ZNF616: variants seen among roughly 807,000 people sequenced by gnomAD.
ZNF616 encodes the protein zinc finger protein 616.
Under a neutral mutation model 7.6 loss-of-function variants are expected in ZNF616, and 5 were observed. The observed-to-expected ratio is 0.66, with a 90% CI of 0.34 to 1.38. The LOEUF (loss-of-function observed/expected upper bound fraction) is 1.38. Among genes scored for constraint, ZNF616 ranks in the 40% most tolerant of loss-of-function variants. The pLI is 0.04. For missense variants in ZNF616, 913 were observed against 948.3 expected (o/e 0.96, Z 0.49); for synonymous variants, 319 against 317.2 (o/e 1.01, Z -0.06).
intron 1 of ZNF616, among the ~76,000 whole-genome samples, chr19:52,134,251 C>CT (rs1358280402): frequency 6.6e-6 from 1 of 152,190 alleles, no homozygotes; most frequent in African/African-American, 2.4e-5. Flanking sequence ...AATTTCCCTC[C>CT]TTATCACGAC....
chr19:52,123,342 G>A (rs2088879174), intron 3 of ZNF616, among the ~76,000 whole-genome samples: 2 of 152,150 alleles, frequency 1.3e-5, no homozygotes, highest in African/African-American at 4.8e-5. Context: ...GGAGGCTGAG[G>A]CGGGTGGATC....
intron 1 of ZNF616, among the ~76,000 whole-genome samples, chr19:52,137,074 T>TATATATATATATAC (rs1491194803): frequency 1.4e-5 from 2 of 142,844 alleles, no homozygotes; most frequent in African/African-American, 5.2e-5. Context: ...TATATATATA[T>TATATATATATATAC]ACAGAGTGTG....
At position 52,113,806 on chromosome 19, in the gene ZNF616, G is replaced by A. The variant is rs2088791218; in HGVS notation, c.*1012C>T. 1 of 152,030 alleles carries A rather than the reference G, an allele frequency of 6.6e-6. No homozygotes were observed. Among genetic ancestry groups the A allele is most frequent in the Admixed American group, 6.5e-5 (1 of 15,270 alleles). 9.4% of individuals were successfully genotyped at this position (152,030 alleles called of 1,614,324 possible). Reference sequence around the variant, plus strand: ...TGGACATGATCTCATTCCTTTCTATGGCTGCATAGTATCCCATGGTGTATA... The same window carrying A: ...TGGACATGATCTCATTCCTTTCTATAGCTGCATAGTATCCCATGGTGTATA... On this transcript the variant is annotated 3_prime_UTR_variant, in exon 4 of 4. Transcript: ENST00000600228.
Position 52,132,361 on chromosome 19 carries a change from AGT to A in ZNF616, c.-76-1775_-76-1774del, listed in dbSNP as rs2088967453. Among the ~76,000 whole-genome samples, 6 of 152,188 alleles carry A rather than the reference AGT, an allele frequency of 3.9e-5. No individual in the cohort carries two copies. The South Asian group carries it at 1.2e-3, about 32-fold the overall frequency. On this transcript the variant is annotated intron_variant, in intron 1 of 3. Transcript: ENST00000600228. ...GAGACAACAGGACACAGAATTCTAG[AGT>A]TCAGGGGACAGGCCTGCAGGGGACA...
intron 1 of ZNF616, among the ~76,000 whole-genome samples, chr19:52,136,873 G>C (rs2089013517): frequency 6.6e-6 from 1 of 151,706 alleles, no homozygotes; most frequent in Non-Finnish European, 1.5e-5. Flanking sequence ...GACCAGCTTG[G>C]ACAAAACAGC....
chr19:52,116,345 T>C lies in ZNF616; in HGVS notation c.819A>G (p.Glu273=). 3 of 1,614,168 alleles carry C rather than the reference T, an allele frequency of 1.9e-6. No homozygotes were observed. The highest frequency in any genetic ancestry group is 8.5e-7 in the Non-Finnish European group (1 of 1,180,010). ...AACTTTTACTAAAGGACTTGCCACA[T>C]TCATTACATATGTAGGGTTTCTGTC... is the stretch of plus-strand genomic sequence containing the variant. ...HTGQKPYICN[E]CGKSFSKSSH... is the part of the protein sequence containing the mutation. The change falls in exon 4 of 4, where the codon GAA becomes GAG. Residue 273 remains glutamate, a synonymous_variant. Transcript: ENST00000600228.
At chr19:52,120,363 A>T (rs1053548726) in intron 3 of ZNF616, among the ~76,000 whole-genome samples, 1 of 152,252 alleles carries the variant, frequency 6.6e-6, no homozygotes, top group Non-Finnish European at 1.5e-5. Flanking sequence ...AGACAAAAGA[A>T]TCAACTAAAT....
intron 3 of ZNF616, 117 bp from the exon 4 acceptor site, chr19:52,117,141 G>C: frequency 1.3e-6 from 1 of 794,294 alleles, no homozygotes; most frequent in South Asian, 2.7e-5. Flanking sequence ...AGGTGTGAGA[G>C]TTCTCCACCA....
Position 52,114,982 on chromosome 19 carries a change from G to A in ZNF616, c.2182C>T (p.Arg728Trp), listed in dbSNP as rs770382120. The A allele has an allele frequency of 5.0e-6, 8 of 1,614,122 alleles. No homozygotes were observed. Among genetic ancestry groups the A allele is most frequent in the South Asian group, 3.3e-5 (3 of 91,090 alleles). The change falls in exon 4 of 4, where the codon CGG becomes TGG. Residue 728 changes from arginine (R) to tryptophan (W), a missense_variant. By Grantham distance (101) the Arg-to-Trp change is moderately radical. Transcript: ENST00000600228. ...KCIECGKAFG[R>W]LFSLSKHQRI... The stretch of plus-strand genomic sequence containing the variant: ...TGGTGTTTGCTGAGGGAAAACAACC[G>A]CCCAAAGGCTTTGCCACATTCAATA...
At chr19:52,125,913 T>C (rs56035736) in intron 2 of ZNF616, among the ~76,000 whole-genome samples, 9,923 of 152,164 alleles carry the variant, frequency 0.065, 440 homozygotes, top group African/African-American at 0.13. Flanking sequence ...TACCAGAGTC[T>C]ATCCACAATA....
At chr19:52,133,400 A>T (rs1464869832) in intron 1 of ZNF616, among the ~76,000 whole-genome samples, 2 of 151,848 alleles carry the variant, frequency 1.3e-5, no homozygotes, top group East Asian at 1.9e-4. Context: ...TAATAGGCCA[A>T]TTTTTTTTCT....
rs1286983174 is a variant in ZNF616 at position 52,115,011 on chromosome 19, T to G, written c.2153A>C (p.Lys718Thr). ...AAAGGCTTTGCCACATTCAATACAT[T>G]TGTATCTTTTCTCTCCAGTGTGGAT... is the stretch of plus-strand genomic sequence containing the variant. ...QRIHTGEKRY[K>T]CIECGKAFGR... The change falls in exon 4 of 4, where the codon AAA becomes ACA. Residue 718 changes from lysine to threonine, a missense_variant. Transcript: ENST00000600228. 6.2e-7 allele frequency: 1 copy of G among 1,614,206 alleles called. No homozygotes were observed. The highest frequency in any genetic ancestry group is 1.3e-5 in the African/African-American group (1 of 75,052).
intron 2 of ZNF616, among the ~76,000 whole-genome samples, chr19:52,127,738 T>C (rs1288898856): frequency 6.6e-6 from 1 of 152,178 alleles, no homozygotes; most frequent in Non-Finnish European, 1.5e-5. Context: ...GAGAGCATTG[T>C]GGCAGCCATG....
Position 52,115,423 on chromosome 19 carries a change from C to A in ZNF616, c.1741G>T (p.Glu581Ter), listed in dbSNP as rs757707236. 16 of 1,614,060 alleles carry A rather than the reference C, an allele frequency of 9.9e-6. No homozygotes were observed. Among genetic ancestry groups the A allele is most frequent in the Middle Eastern group, 1.6e-4 (1 of 6,062 alleles). ...HSGEKPYKCN[E>*]CGKVYSQYSH... ...TACTGACTGTAGACCTTGCCGCATT[C>A]ATTGCATTTGTAAGGTTTCTCTCCA... The change falls in exon 4 of 4, where the codon GAA becomes TAA. Residue 581 changes from glutamate (E) to a stop codon, truncating the protein, a stop_gained. Coordinates refer to ENST00000600228, the MANE Select transcript of ZNF616 (RefSeq NM_178523.5). LOFTEE classifies it low-confidence loss of function (END_TRUNC).
intron 3 of ZNF616, among the ~76,000 whole-genome samples, chr19:52,117,745 G>T (rs1444987154): frequency 7.2e-5 from 11 of 152,088 alleles, no homozygotes. Context: ...AAAGATAAAA[G>T]AAAGATAAAT....
intron 3 of ZNF616, among the ~76,000 whole-genome samples, chr19:52,119,091 C>T (rs2088847155): frequency 6.6e-6 from 1 of 152,168 alleles, no homozygotes; most frequent in Admixed American, 6.5e-5. Context: ...GTATCTGAGT[C>T]ATCATTCCCT....
chr19:52,130,601 A>C lies in ZNF616; in HGVS notation c.-76-13T>G. 3 of 1,543,996 alleles carry C rather than the reference A, an allele frequency of 1.9e-6. No homozygotes were observed. Among genetic ancestry groups the C allele is most frequent in the Non-Finnish European group, 1.7e-6 (2 of 1,147,056 alleles). The stretch of plus-strand genomic sequence containing the variant: ...TCACACATCAAACCTGAAAGTTAAA[A>C]AATCTGTTGTTTAATGCTTGGAAAC... On this transcript the variant is annotated splice_polypyrimidine_tract_variant and intron_variant, in intron 1 of 3. Transcript: ENST00000600228.
At chr19:52,120,723 A>G (rs1348181114) in intron 3 of ZNF616, among the ~76,000 whole-genome samples, 1 of 152,250 alleles carries the variant, frequency 6.6e-6, no homozygotes, top group Non-Finnish European at 1.5e-5. Context: ...GACAAAGAAG[A>G]GCATTATCTA....
intron 3 of ZNF616, among the ~76,000 whole-genome samples, chr19:52,120,899 C>G (rs527479241): frequency 2.0e-5 from 3 of 152,090 alleles, no homozygotes; most frequent in South Asian, 2.1e-4. Flanking sequence ...ATAGGACAGA[C>G]AGAAAAAAAG....
Sources: allele counts gnomAD v4.1 joint callset (sites outside exome capture counted in the v4.1 genomes callset), GRCh38; gene constraint gnomAD v4.1.1; transcripts MANE v1.5; gene names NCBI Gene and HGNC (gene_info 2026-07-23, HGNC 2026-07-21).